The following SLC20A2 variants were observed in gnomAD, a reference collection of about 807,000 sequenced individuals.
SLC20A2 encodes solute carrier family 20 member 2.
SLC20A2 carries 30 observed loss-of-function variants against 61.0 expected under a neutral mutation model. The observed-to-expected ratio is 0.49, with a 90% CI of 0.37 to 0.67. SLC20A2 has a LOEUF of 0.67. Ranked by LOEUF, SLC20A2 falls within the 30% of genes least tolerant of loss-of-function variation. SLC20A2 has a pLI of 0.00. For missense variants in SLC20A2, 626 were observed against 866.4 expected, an observed-to-expected ratio of 0.72 and a Z score of 3.48; for synonymous variants, 351 against 353.3, an observed-to-expected ratio of 0.99 and a Z score of 0.07.
chr8:42,435,194 A>G (rs1441534013), intron 8 of SLC20A2, among the ~76,000 whole-genome samples: 1 of 152,196 alleles, frequency 6.6e-6, no homozygotes, highest in Non-Finnish European at 1.5e-5. Flanking sequence ...AAATGCCCAT[A>G]TGATGCTGAG....
At chr8:42,494,848 C>A (rs1005876197) in intron 1 of SLC20A2, among the ~76,000 whole-genome samples, 1 of 151,798 alleles carries the variant, frequency 6.6e-6, no homozygotes, top group African/African-American at 2.4e-5. Flanking sequence ...CACTTAACCA[C>A]TCTTTTTTGT....
chr8:42,469,060 AAGTGACTAAC>A (rs952515234), intron 2 of SLC20A2, among the ~76,000 whole-genome samples: 1 of 152,134 alleles, frequency 6.6e-6, no homozygotes, highest in African/African-American at 2.4e-5. Flanking sequence ...GCTTGGGGAG[AAGTGACTAAC>A]AGAGAAAACA....
At chr8:42,419,145 T>C (rs561876796) in intron 10 of SLC20A2, among the ~76,000 whole-genome samples, 52 of 152,304 alleles carry the variant, frequency 3.4e-4, no homozygotes, top group African/African-American at 1.2e-3. Context: ...AATTCACTAT[T>C]TTTTGACATT....
At chr8:42,513,847 C>G (rs986379270) in intron 1 of SLC20A2, among the ~76,000 whole-genome samples, 9 of 152,080 alleles carry the variant, frequency 5.9e-5, no homozygotes, top group African/African-American at 2.2e-4. Context: ...TGGAAATACC[C>G]AGGCAGAAAA....
chr8:42,526,259 C>A (rs758501941), intron 1 of SLC20A2, among the ~76,000 whole-genome samples: 8 of 152,084 alleles, frequency 5.3e-5, no homozygotes, highest in Non-Finnish European at 7.3e-5. Flanking sequence ...AAACTCCTAA[C>A]CCCAGCATAA....
At chr8:42,511,063 G>T (rs75014664) in intron 1 of SLC20A2, among the ~76,000 whole-genome samples, 1,566 of 152,164 alleles carry the variant, frequency 0.01, 30 homozygotes, top group African/African-American at 0.035. Flanking sequence ...AACTTGCAGG[G>T]TATGCCTGAA....
chr8:42,476,486 C>T (rs1808117122), intron 1 of SLC20A2, among the ~76,000 whole-genome samples: 1 of 152,160 alleles, frequency 6.6e-6, no homozygotes. Flanking sequence ...GCTGTCAAAA[C>T]TCATGAAATT....
intron 1 of SLC20A2, among the ~76,000 whole-genome samples, chr8:42,510,355 CTTA>C (rs1182421173): frequency 6.6e-6 from 1 of 152,138 alleles, no homozygotes; most frequent in Non-Finnish European, 1.5e-5. Flanking sequence ...CAAACAAAGG[CTTA>C]TTGTCAATTC....
chr8:42,488,609 G>A (rs1478707815), intron 1 of SLC20A2, among the ~76,000 whole-genome samples: 1 of 152,102 alleles, frequency 6.6e-6, no homozygotes, highest in Non-Finnish European at 1.5e-5. Flanking sequence ...AGTTTCTGAG[G>A]AACTGTCATA....
intron 1 of SLC20A2, among the ~76,000 whole-genome samples, chr8:42,509,562 G>A (rs375327527): frequency 2.0e-5 from 3 of 151,470 alleles, no homozygotes; most frequent in South Asian, 2.1e-4. Context: ...GTGAGATTTC[G>A]TCTCTAAAAA....
At chr8:42,473,178 T>C (rs1294156178) in intron 1 of SLC20A2, among the ~76,000 whole-genome samples, 1 of 152,154 alleles carries the variant, frequency 6.6e-6, no homozygotes, top group Non-Finnish European at 1.5e-5. Flanking sequence ...TTTACAGGCC[T>C]GGCGAGAGGT....
intron 1 of SLC20A2, among the ~76,000 whole-genome samples, chr8:42,473,180 G>GC (rs1352989640): frequency 2.0e-5 from 3 of 152,170 alleles, no homozygotes; most frequent in African/African-American, 7.2e-5. Context: ...TACAGGCCTG[G>GC]CGAGAGGTCA....
intron 1 of SLC20A2, among the ~76,000 whole-genome samples, chr8:42,477,592 T>G (rs574133151): frequency 6.7e-6 from 1 of 148,250 alleles, no homozygotes; most frequent in African/African-American, 2.5e-5. Flanking sequence ...TGCCTCAGCC[T>G]CCCGAGTAGC....
At chr8:42,457,606 C>G (rs1681181264) in intron 5 of SLC20A2, among the ~76,000 whole-genome samples, 1 of 152,086 alleles carries the variant, frequency 6.6e-6, no homozygotes, top group Admixed American at 6.6e-5. Flanking sequence ...CCTGCCTCAG[C>G]CTCCTGAGTA....
chr8:42,516,395 T>G lies in SLC20A2; in HGVS notation c.-265+25426A>C, dbSNP rs924225127. On this transcript the variant is annotated intron_variant, in intron 1 of 10. Transcript: ENST00000342228. ...AAGAGAAGAAATATAAAACTCCAGTTAAGAACTTCTGAAGTCCTGTTTTAT... is the reference window on the plus strand; with the variant it reads ...AAGAGAAGAAATATAAAACTCCAGTGAAGAACTTCTGAAGTCCTGTTTTAT... Among the ~76,000 whole-genome samples the G allele has an allele frequency of 5.9e-5, 9 of 152,230 alleles. No individual in the cohort carries two copies. In the East Asian group the frequency reaches 7.7e-4, roughly 13 times the overall value.
At chr8:42,497,974 G>A (rs1296850865) in intron 1 of SLC20A2, among the ~76,000 whole-genome samples, 2 of 152,084 alleles carry the variant, frequency 1.3e-5, no homozygotes, top group Non-Finnish European at 2.9e-5. Context: ...CCTTTCCTCT[G>A]AGAAGCTGAA....
chr8:42,525,113 G>A (rs1310311430), intron 1 of SLC20A2, among the ~76,000 whole-genome samples: 3 of 152,088 alleles, frequency 2.0e-5, no homozygotes, highest in Non-Finnish European at 4.4e-5. Context: ...AGACAAGTGT[G>A]ATCTCAAAGC....
At chr8:42,487,450 TA>T (rs1809121557) in intron 1 of SLC20A2, among the ~76,000 whole-genome samples, 1 of 152,196 alleles carries the variant, frequency 6.6e-6, no homozygotes, top group Non-Finnish European at 1.5e-5. Context: ...GTGCTGGGAT[TA>T]CAGGCGTGAG....
Position 42,459,253 on chromosome 8 carries a change from A to T in SLC20A2, c.613+643T>A, listed in dbSNP as rs1393779132. Reference sequence around the variant, plus strand: ...TCTATCTCAAAAAAAAAAAAAAAAAAAAAAAACATAAAAAATAACAACAAA... The same window carrying T: ...TCTATCTCAAAAAAAAAAAAAAAAATAAAAAACATAAAAAATAACAACAAA... On this transcript the variant is annotated intron_variant, in intron 5 of 10. Coordinates refer to ENST00000520262, the MANE Select transcript of SLC20A2 (RefSeq NM_001257180.2). Among the ~76,000 whole-genome samples, 8 of 151,436 alleles carry T rather than the reference A, an allele frequency of 5.3e-5. 1 individual carries two copies. The highest frequency in any genetic ancestry group is 1.9e-4 in the African/African-American group (8 of 41,292).
Sources: allele counts gnomAD v4.1 joint callset (sites outside exome capture counted in the v4.1 genomes callset), GRCh38; gene constraint gnomAD v4.1.1; transcripts MANE v1.5; gene names NCBI Gene and HGNC (gene_info 2026-07-23, HGNC 2026-07-21).